The following NOX4 variants were observed in gnomAD, a reference collection of about 807,000 sequenced individuals.
The protein encoded by NOX4 is kidney oxidase-1.
NOX4 carries 69 observed loss-of-function variants against 87.6 expected under a neutral mutation model. That is an observed-to-expected ratio of 0.79 (90% confidence interval 0.65 to 0.96). The LOEUF (loss-of-function observed/expected upper bound fraction) is 0.96, where lower values mean the gene tolerates loss of function less well. Among genes scored for constraint, NOX4 ranks in the 40% least tolerant of loss-of-function variants. The pLI, the probability that NOX4 is intolerant of heterozygous loss-of-function variation, is 0.00. For synonymous variants in NOX4, 275 were observed against 238.2 expected, an observed-to-expected ratio of 1.15 and a Z score of -1.42; for missense variants, 680 against 681.5, an observed-to-expected ratio of 1.00 and a Z score of 0.02.
chr11:89,562,396 C>T, the NOX4 span, among the ~76,000 whole-genome samples: 1 of 151,994 alleles, frequency 6.6e-6, no homozygotes, highest in African/African-American at 2.4e-5. Context: ...TCTCCTCTCC[C>T]TTCCCTTCTC....
chr11:89,490,893 G>A (rs1317424451), intron 1 of NOX4: 2 of 701,214 alleles, frequency 2.9e-6, no homozygotes, highest in East Asian at 5.4e-5. Context: ...AACAAAGGGA[G>A]CAAAAATGTT....
intron 2 of NOX4, among the ~76,000 whole-genome samples, chr11:89,488,552 A>G (rs1016919626): frequency 3.3e-5 from 5 of 152,168 alleles, no homozygotes; most frequent in Admixed American, 6.5e-5. Context: ...TATTTTTTTA[A>G]GAAATAAGAT....
upstream of NOX4, among the ~76,000 whole-genome samples, chr11:89,501,739 A>T (rs1471634701): frequency 6.6e-6 from 1 of 152,066 alleles, no homozygotes; most frequent in African/African-American, 2.4e-5. Context: ...ATGTAAAGTC[A>T]AAGCTGCAGG....
At chr11:89,453,378 C>G (rs1945052434) in intron 2 of NOX4, among the ~76,000 whole-genome samples, 1 of 152,140 alleles carries the variant, frequency 6.6e-6, no homozygotes, top group African/African-American at 2.4e-5. Context: ...AATGACCAAT[C>G]TTAAATAAGA....
the NOX4 span, among the ~76,000 whole-genome samples, chr11:89,552,376 G>A: frequency 6.6e-6 from 1 of 152,170 alleles, no homozygotes; most frequent in Middle Eastern, 3.4e-3. Flanking sequence ...TTTTAATTTA[G>A]CCTTTGCAGA....
At chr11:89,458,295 A>G (rs575106974) in intron 2 of NOX4, among the ~76,000 whole-genome samples, 1 of 152,108 alleles carries the variant, frequency 6.6e-6, no homozygotes. Flanking sequence ...AATATAAAGC[A>G]ATATAAAAAT....
At chr11:89,490,400 G>T in intron 2 of NOX4, 58 bp downstream of exon 2, 1 of 1,151,260 alleles carries the variant, frequency 8.7e-7, no homozygotes. Context: ...CAAACCTGTA[G>T]CAATGTCTGC....
chr11:89,454,459 T>C (rs1467134689), intron 2 of NOX4, among the ~76,000 whole-genome samples: 1 of 152,058 alleles, frequency 6.6e-6, no homozygotes, highest in Non-Finnish European at 1.5e-5. Flanking sequence ...AACATTGGCA[T>C]TTTTGAAAGC....
upstream of NOX4, among the ~76,000 whole-genome samples, chr11:89,491,765 C>CACAA (rs1308528488): frequency 8.0e-6 from 1 of 125,572 alleles, no homozygotes; most frequent in African/African-American, 3.3e-5. Context: ...CACACACACA[C>CACAA]AAGAAGACAC....
At chr11:89,459,724 G>A (rs1377279564) in intron 2 of NOX4, among the ~76,000 whole-genome samples, 1 of 152,014 alleles carries the variant, frequency 6.6e-6, no homozygotes, top group East Asian at 1.9e-4. Flanking sequence ...CGTGAAAATG[G>A]CCATACTGCC....
chr11:89,366,296 T>A (rs1938978788), intron 12 of NOX4, among the ~76,000 whole-genome samples: 1 of 152,040 alleles, frequency 6.6e-6, no homozygotes, highest in South Asian at 2.1e-4. Flanking sequence ...AATAAAAATA[T>A]AACAATCCAT....
intron 7 of NOX4, among the ~76,000 whole-genome samples, chr11:89,431,300 G>T (rs551339269): frequency 3.9e-5 from 6 of 152,228 alleles, no homozygotes; most frequent in African/African-American, 1.4e-4. Context: ...CATGAGCAAG[G>T]ACTTCATGTC....
At chr11:89,372,809 T>C (rs555243847) in intron 12 of NOX4, among the ~76,000 whole-genome samples, 4 of 152,020 alleles carry the variant, frequency 2.6e-5, no homozygotes, top group Non-Finnish European at 5.9e-5. Context: ...AGCCAACATT[T>C]ACTGAGTACT....
At chr11:89,340,461 T>C (rs1249410972) in intron 14 of NOX4, among the ~76,000 whole-genome samples, 1 of 152,180 alleles carries the variant, frequency 6.6e-6, no homozygotes, top group Non-Finnish European at 1.5e-5. Flanking sequence ...AGTATGCATA[T>C]CATCCATTTC....
At chr11:89,511,048 G>A in the NOX4 span, among the ~76,000 whole-genome samples, 4 of 151,826 alleles carry the variant, frequency 2.6e-5, no homozygotes, top group African/African-American at 7.3e-5. Context: ...TCTTTGTGTC[G>A]TGCTATATGT....
chr11:89,513,002 T>C, the NOX4 span, among the ~76,000 whole-genome samples: 2 of 152,224 alleles, frequency 1.3e-5, no homozygotes, highest in Admixed American at 6.6e-5. Flanking sequence ...GGAGGAATAT[T>C]TGTGAAACTC....
chr11:89,387,012 A>G (rs767703633), intron 11 of NOX4, among the ~76,000 whole-genome samples: 3 of 152,014 alleles, frequency 2.0e-5, no homozygotes, highest in Non-Finnish European at 2.9e-5. Flanking sequence ...CCCTTACCAC[A>G]AAATCTTCTT....
At chr11:89,489,714 C>G (rs1393082190) in intron 2 of NOX4, among the ~76,000 whole-genome samples, 1 of 122,260 alleles carries the variant, frequency 8.2e-6, no homozygotes, top group Non-Finnish European at 1.7e-5. Flanking sequence ...GGCATCGCAG[C>G]AAGACTCTGT....
intron 4 of NOX4, among the ~76,000 whole-genome samples, chr11:89,445,306 G>A (rs1366579507): frequency 6.6e-6 from 1 of 151,784 alleles, no homozygotes; most frequent in Non-Finnish European, 1.5e-5. Flanking sequence ...AACCCATAAT[G>A]TAAAATGTAG....
Sources: gnomAD v4.1 joint callset for allele counts (sites outside exome capture counted in the v4.1 genomes callset) on GRCh38, gnomAD v4.1.1 for gene constraint, MANE v1.5 for transcripts, NCBI Gene and HGNC (gene_info 2026-07-23, HGNC 2026-07-21) for gene names.